Variants in ASTN2 observed in about 807,000 individuals in gnomAD.
ASTN2 encodes astrotactin 2, also known as astrotactin-2.
A neutral mutation model predicts 139.8 loss-of-function variants in ASTN2; 54 were observed. The ratio of observed to expected loss-of-function variants is 0.39; its 90% CI spans 0.31 to 0.48. The LOEUF is 0.48. Ranked by LOEUF, ASTN2 falls within the 20% of genes least tolerant of loss-of-function variation. The pLI is 0.95. For missense variants in ASTN2, 1,565 were observed against 1,725.1 expected (o/e 0.91, Z 1.64); for synonymous variants, 756 against 719.5 (o/e 1.05, Z -0.81).
At chr9:116,563,931 A>G (rs1172293138) in intron 19 of ASTN2, among the ~76,000 whole-genome samples, 1 of 152,222 alleles carries the variant, frequency 6.6e-6, no homozygotes, top group African/African-American at 2.4e-5. Flanking sequence ...GAATAACTGA[A>G]TTGGTAAGCA....
At chr9:116,517,595 G>T (rs888043876) in intron 19 of ASTN2, among the ~76,000 whole-genome samples, 4 of 152,068 alleles carry the variant, frequency 2.6e-5, no homozygotes, top group Admixed American at 2.0e-4. Context: ...ACAAAAGAAG[G>T]TTATTTAACA....
At chr9:116,766,900 AAC>A (rs1829826399) in intron 13 of ASTN2, among the ~76,000 whole-genome samples, 1 of 151,760 alleles carries the variant, frequency 6.6e-6, no homozygotes, top group Non-Finnish European at 1.5e-5. Flanking sequence ...CATACACTTA[AAC>A]ACACACATTC....
intron 10 of ASTN2, among the ~76,000 whole-genome samples, chr9:116,869,373 G>A (rs1320825679): frequency 6.6e-6 from 1 of 152,152 alleles, no homozygotes; most frequent in Non-Finnish European, 1.5e-5. Flanking sequence ...AGGGGAATGT[G>A]CTCACATTCG....
intron 10 of ASTN2, among the ~76,000 whole-genome samples, chr9:116,891,910 G>T (rs1284367591): frequency 2.0e-5 from 3 of 152,168 alleles, no homozygotes; most frequent in Non-Finnish European, 2.9e-5. Flanking sequence ...GATTGCATTG[G>T]AAATATTCAA....
At chr9:117,224,503 G>A (rs12342386) in intron 2 of ASTN2, among the ~76,000 whole-genome samples, 66,539 of 152,084 alleles carry the variant, frequency 0.44, 15,216 homozygotes, top group African/African-American at 0.54. Context: ...TAGGCTCCAA[G>A]CGGTGATTGT....
At chr9:116,906,429 G>A (rs538434722) in intron 10 of ASTN2, among the ~76,000 whole-genome samples, 1 of 139,502 alleles carries the variant, frequency 7.2e-6, no homozygotes, top group South Asian at 2.5e-4. Context: ...AAGCAGGATG[G>A]GAGTGGGGAA....
At chr9:117,108,568 AC>A (rs1421875456) in intron 4 of ASTN2, among the ~76,000 whole-genome samples, 1 of 152,146 alleles carries the variant, frequency 6.6e-6, no homozygotes, top group Non-Finnish European at 1.5e-5. Context: ...CAGAGAGCTT[AC>A]ATTTAATTGG....
chr9:116,969,051 C>A (rs900938293), intron 10 of ASTN2, among the ~76,000 whole-genome samples: 1 of 152,164 alleles, frequency 6.6e-6, no homozygotes, highest in African/African-American at 2.4e-5. Context: ...ACTATCCTAC[C>A]TGTGATCTCA....
At position 117,188,099 on chromosome 9, in the gene ASTN2, CA is replaced by C. The variant is rs200956247; in HGVS notation, c.1015+26258del. On this transcript the variant is annotated intron_variant, in intron 3 of 22. Coordinates refer to ENST00000313400, the MANE Select transcript of ASTN2 (RefSeq NM_001365068.1). ...TGGCCTAACCCCTCCCTAGTCATGA[CA>C]AAAAAAAATGTCTTCAGACATTGCT... Among the ~76,000 whole-genome samples the C allele has an allele frequency of 2.1e-3, 301 of 143,842 alleles. 2 individuals carry two copies. The highest frequency in any genetic ancestry group is 7.3e-3 in the African/African-American group (284 of 39,016). 94.4% of individuals were successfully genotyped at this position (143,842 alleles called of 152,430 possible).
intron 1 of ASTN2, among the ~76,000 whole-genome samples, chr9:117,292,271 G>A (rs1398979309): frequency 6.6e-6 from 1 of 152,038 alleles, no homozygotes; most frequent in African/African-American, 2.4e-5. Flanking sequence ...TCTCTATGCT[G>A]GTTTTCCTTC....
chr9:116,563,343 C>T (rs1167591630), intron 19 of ASTN2, among the ~76,000 whole-genome samples: 1 of 151,094 alleles, frequency 6.6e-6, no homozygotes, highest in East Asian at 2.0e-4. Flanking sequence ...CCACTGCACT[C>T]CAGCCTGGGT....
rs150497306 is a variant in ASTN2, at chr9:117,106,862, T to C, written c.1169-10711A>G. On this transcript the variant is annotated intron_variant, in intron 4 of 22. Transcript: ENST00000313400. Reference sequence around the variant, plus strand: ...AGGAATACATATTGGGGTTAAATTATATACCTGACAGCTTTTTCTATTATG... The same window carrying C: ...AGGAATACATATTGGGGTTAAATTACATACCTGACAGCTTTTTCTATTATG... 5.5e-3 allele frequency among the ~76,000 whole-genome samples: 839 copies of C among 152,324 alleles called. 10 individuals are homozygous for C. Among genetic ancestry groups the C allele is most frequent in the African/African-American group, 0.017 (709 of 41,582 alleles).
At chr9:117,120,028 A>ATATATATACCCTGAG (rs1829513734) in intron 4 of ASTN2, among the ~76,000 whole-genome samples, 5 of 91,100 alleles carry the variant, frequency 5.5e-5, no homozygotes, top group Admixed American at 1.1e-4. Context: ...GTATATATAT[A>ATATATATACCCTGAG]TATATATATA....
At chr9:117,216,988 A>G (rs929414288) in intron 2 of ASTN2, among the ~76,000 whole-genome samples, 1 of 152,202 alleles carries the variant, frequency 6.6e-6, no homozygotes, top group African/African-American at 2.4e-5. Context: ...TTGAAGTCAC[A>G]CAGTCAGGAT....
At position 116,620,395 on chromosome 9, in the gene ASTN2, C is replaced by A; in HGVS notation, c.3121G>T (p.Asp1041Tyr). The A allele has an allele frequency of 6.2e-7, 1 of 1,614,174 alleles. No individual in the cohort carries two copies. Among genetic ancestry groups the A allele is most frequent in the Non-Finnish European group, 8.5e-7 (1 of 1,180,026 alleles). ...MSSYWCSGKG[D>Y]VIDDWCRCDL... ...CACCTGCACCAGTCATCGATCACAT[C>A]CCCTTTCCCTGAGCACCAGTAGGAA... The change falls in exon 18 of 23, where the codon GAT becomes TAT. Residue 1041 changes from aspartate to tyrosine, a missense_variant. By Grantham distance (160) the Asp-to-Tyr change is radical. Around this residue, in one of 4 missense-constraint regions of ASTN2, gnomAD observed 418 missense variants for 465.8 expected, o/e 0.90. Coordinates refer to ENST00000313400, the MANE Select transcript of ASTN2 (RefSeq NM_001365068.1).
chr9:116,770,011 C>G (rs1375641851), intron 13 of ASTN2, among the ~76,000 whole-genome samples: 1 of 150,612 alleles, frequency 6.6e-6, no homozygotes, highest in East Asian at 2.0e-4. Flanking sequence ...GGAAACACAG[C>G]AAGACCTTGT....
chr9:117,062,195 C>A (rs1256323109), intron 5 of ASTN2, among the ~76,000 whole-genome samples: 1 of 152,154 alleles, frequency 6.6e-6, no homozygotes, highest in African/African-American at 2.4e-5. Flanking sequence ...CCGGCCTGCC[C>A]TCAACACTGT....
chr9:117,016,618 ATC>A (rs200453465), intron 6 of ASTN2, among the ~76,000 whole-genome samples: 2,094 of 19,064 alleles, frequency 0.11, 230 homozygotes, highest in African/African-American at 0.18. Flanking sequence ...ATCTATATCT[ATC>A]TATCTATATA....
At chr9:117,205,734 C>G (rs2133001602) in intron 3 of ASTN2, among the ~76,000 whole-genome samples, 1 of 152,274 alleles carries the variant, frequency 6.6e-6, no homozygotes, top group South Asian at 2.1e-4. Context: ...TTTCTTTAGG[C>G]TCTCAAAAGT....
Sources: gnomAD v4.1 joint callset for allele counts (sites outside exome capture counted in the v4.1 genomes callset) on GRCh38, gnomAD v4.1.1 for gene constraint, gnomAD v4.1.1 regional missense constraint, MANE v1.5 for transcripts, NCBI Gene and HGNC (gene_info 2026-07-23, HGNC 2026-07-21) for gene names.